The following PXDNL variants were observed in gnomAD, a reference collection of about 807,000 sequenced individuals.
PXDNL encodes the protein peroxidasin like.
Under a neutral mutation model 150.8 loss-of-function variants are expected in PXDNL, and 145 were observed. The observed-to-expected ratio is 0.96, with a 90% CI of 0.84 to 1.10. The LOEUF (loss-of-function observed/expected upper bound fraction) is 1.10, where lower values mean the gene tolerates loss of function less well. Ranked by LOEUF, PXDNL falls within the 50% of genes least tolerant of loss-of-function variation. The pLI is 0.00. For missense variants in PXDNL, 2,087 were observed against 1,873.9 expected (o/e 1.11, Z -2.10); for synonymous variants, 757 against 725.7 (o/e 1.04, Z -0.69).
intron 2 of PXDNL, among the ~76,000 whole-genome samples, chr8:51,642,998 C>T (rs1241929004): frequency 6.6e-6 from 1 of 152,062 alleles, no homozygotes; most frequent in African/African-American, 2.4e-5. Context: ...ATGTGAAGGA[C>T]CTCTTCAAGG....
At chr8:51,611,211 A>G (rs1007149606) in intron 2 of PXDNL, among the ~76,000 whole-genome samples, 1 of 152,244 alleles carries the variant, frequency 6.6e-6, no homozygotes, top group Non-Finnish European at 1.5e-5. Flanking sequence ...AATATTTAAT[A>G]AAAACGTTAA....
At chr8:51,669,721 G>T (rs1309069762) in intron 1 of PXDNL, among the ~76,000 whole-genome samples, 1 of 152,122 alleles carries the variant, frequency 6.6e-6, no homozygotes, top group East Asian at 1.9e-4. Context: ...TCCATGCTGG[G>T]CAGAATTAAA....
At chr8:51,806,480 A>T (rs1428265188) in intron 1 of PXDNL, among the ~76,000 whole-genome samples, 1 of 152,148 alleles carries the variant, frequency 6.6e-6, no homozygotes, top group Admixed American at 6.5e-5. Flanking sequence ...TGTTATTGTC[A>T]TCTTTCATGA....
At chr8:51,760,876 T>TTTTTTTTTTTTTTTA (rs2037156555) in intron 1 of PXDNL, among the ~76,000 whole-genome samples, 1 of 115,882 alleles carries the variant, frequency 8.6e-6, no homozygotes, top group South Asian at 2.9e-4. Context: ...TTTTTTTTTT[T>TTTTTTTTTTTTTTTA]GAGACGGAGT....
chr8:51,350,083 G>A (rs1806289399), intron 19 of PXDNL, among the ~76,000 whole-genome samples: 2 of 151,890 alleles, frequency 1.3e-5, no homozygotes, highest in African/African-American at 2.4e-5. Flanking sequence ...TTCAGGACAC[G>A]GACACACACG....
At chr8:51,488,158 A>T (rs922516415) in intron 5 of PXDNL, among the ~76,000 whole-genome samples, 1 of 152,272 alleles carries the variant, frequency 6.6e-6, no homozygotes, top group Non-Finnish European at 1.5e-5. Flanking sequence ...AGGATGCTTA[A>T]TAAGAAAAAA....
At chr8:51,743,908 A>AAAGGAATGAAGGAAGGAAGGAAGG (rs2036933833) in intron 1 of PXDNL, among the ~76,000 whole-genome samples, 1 of 66,866 alleles carries the variant, frequency 1.5e-5, no homozygotes, top group African/African-American at 4.8e-5. Context: ...GCTGAGAGAG[A>AAAGGAATGAAGGAAGGAAGGAAGG]AAGGAAGGAA....
intron 17 of PXDNL, among the ~76,000 whole-genome samples, chr8:51,402,855 G>A (rs1808299622): frequency 1.3e-5 from 2 of 151,968 alleles, no homozygotes; most frequent in Non-Finnish European, 2.9e-5. Context: ...GAGGTCAGGA[G>A]ATCGAGACCA....
chr8:51,635,246 T>G (rs957926584), intron 2 of PXDNL, among the ~76,000 whole-genome samples: 5 of 152,042 alleles, frequency 3.3e-5, no homozygotes, highest in Admixed American at 6.6e-5. Flanking sequence ...AGAGAGAAAT[T>G]TATAACTGTA....
intron 7 of PXDNL, 127 bp from the exon 8 acceptor site, chr8:51,472,431 T>C (rs1810365521): frequency 1.6e-6 from 1 of 636,068 alleles, no homozygotes; most frequent in South Asian, 2.1e-5. Flanking sequence ...CGAACTGCAT[T>C]TACCCGGTAA....
intron 19 of PXDNL, among the ~76,000 whole-genome samples, chr8:51,347,736 C>T (rs1806203479): frequency 6.7e-6 from 1 of 148,514 alleles, no homozygotes; most frequent in Non-Finnish European, 1.5e-5. Flanking sequence ...AGCCACCGCG[C>T]CCGACCTATT....
chr8:51,490,585 A>ATG (rs1393186137), intron 5 of PXDNL, among the ~76,000 whole-genome samples: 1 of 150,824 alleles, frequency 6.6e-6, no homozygotes, highest in Admixed American at 6.6e-5. Context: ...AAATATGTAT[A>ATG]TGTATATATA....
intron 1 of PXDNL, among the ~76,000 whole-genome samples, chr8:51,684,116 G>C (rs948202506): frequency 6.6e-6 from 1 of 152,120 alleles, no homozygotes; most frequent in African/African-American, 2.4e-5. Context: ...AGCTGCGTTT[G>C]GTTTTATGGC....
At chr8:51,413,105 C>T (rs968944527) in intron 15 of PXDNL, 45 bp downstream of exon 15, 1 of 1,178,478 alleles carries the variant, frequency 8.5e-7, no homozygotes, top group East Asian at 2.3e-5. Flanking sequence ...CTAAGTAGAA[C>T]AGAAATGAAA....
chr8:51,421,105 C>G (rs1205568113), intron 14 of PXDNL, among the ~76,000 whole-genome samples: 2 of 152,126 alleles, frequency 1.3e-5, no homozygotes, highest in African/African-American at 4.8e-5. Flanking sequence ...TACAGTGCTT[C>G]TGTGTATGTG....
At chr8:51,615,430 ACACC>A (rs1814111472) in intron 2 of PXDNL, among the ~76,000 whole-genome samples, 1 of 152,158 alleles carries the variant, frequency 6.6e-6, no homozygotes, top group African/African-American at 2.4e-5. Context: ...ATGTCAGACT[ACACC>A]ATATTTTCTC....
intron 6 of PXDNL, 88 bp from the exon 7 acceptor site, chr8:51,475,229 T>A: frequency 7.8e-7 from 1 of 1,277,674 alleles, no homozygotes; most frequent in Admixed American, 2.5e-5. Context: ...TAATTTCCCC[T>A]GATTTACCTT....
intron 2 of PXDNL, among the ~76,000 whole-genome samples, chr8:51,624,099 CAAAAAAAAAAA>C (rs59841822): frequency 3.8e-5 from 3 of 79,618 alleles, no homozygotes; most frequent in South Asian, 6.8e-4. Flanking sequence ...TCTCAAATTA[CAAAAAAAAAAA>C]AAAAAAAAAA....
At chr8:51,553,740 TTATATATA>T (rs747698313) in intron 4 of PXDNL, among the ~76,000 whole-genome samples, 77 of 112,906 alleles carry the variant, frequency 6.8e-4, no homozygotes, top group Non-Finnish European at 9.0e-4. Context: ...GTGAGGGATT[TTATATATA>T]TATATATATA....
Sources: allele counts gnomAD v4.1 joint callset (sites outside exome capture counted in the v4.1 genomes callset), GRCh38; gene constraint gnomAD v4.1.1; transcripts MANE v1.5; gene names NCBI Gene and HGNC (gene_info 2026-07-23, HGNC 2026-07-21).